Variants in VPS13B observed in about 807,000 individuals in gnomAD.
The protein encoded by VPS13B is intermembrane lipid transfer protein VPS13B.
A neutral mutation model predicts 426.4 loss-of-function variants in VPS13B; 285 were observed. That is an observed-to-expected ratio of 0.67 (90% CI 0.61 to 0.74). VPS13B has a LOEUF of 0.74. Among genes scored for constraint, VPS13B ranks in the 30% least tolerant of loss-of-function variants. VPS13B has a pLI of 0.00. For synonymous variants in VPS13B, 1,676 were observed against 1,676.4 expected, an observed-to-expected ratio of 1.00 and a Z score of 0.01; for missense variants, 4,537 against 4,782.6, an observed-to-expected ratio of 0.95 and a Z score of 1.51.
intron 33 of VPS13B, among the ~76,000 whole-genome samples, chr8:99,630,669 T>G (rs959974063): frequency 6.1e-5 from 9 of 146,784 alleles, no homozygotes; most frequent in African/African-American, 2.2e-4. Context: ...AGGTGCTAGG[T>G]GATAATGTAG....
At chr8:99,066,608 TA>T (rs1311936765) in intron 3 of VPS13B, among the ~76,000 whole-genome samples, 1 of 152,180 alleles carries the variant, frequency 6.6e-6, no homozygotes, top group Non-Finnish European at 1.5e-5. Flanking sequence ...ACTTCATGTC[TA>T]AAACACCAAA....
chr8:99,854,027 G>A lies in VPS13B; in HGVS notation c.10638G>A (p.Gln3546=). The change falls in exon 56 of 62, where the codon CAG becomes CAA. Residue 3546 remains glutamine, a synonymous_variant. Transcript: ENST00000357162. ...GGGGTAAACAGGTGTTGCCCATGCA[G>A]GTCACACAGCACGCCAGGGCCTTGG... ...LSGGKQVLPM[Q]VTQHARALVN... 6.2e-7 allele frequency: 1 copy of A among 1,614,224 alleles called. No individual in the cohort carries two copies. The highest frequency in any genetic ancestry group is 8.5e-7 in the Non-Finnish European group (1 of 1,180,046).
At chr8:99,209,196 T>G (rs904686625) in intron 17 of VPS13B, among the ~76,000 whole-genome samples, 1 of 151,890 alleles carries the variant, frequency 6.6e-6, no homozygotes, top group Non-Finnish European at 1.5e-5. Context: ...GGAGAACCAC[T>G]TTAACACGGG....
At chr8:99,662,607 C>A (rs1830280845) in intron 35 of VPS13B, among the ~76,000 whole-genome samples, 1 of 152,120 alleles carries the variant, frequency 6.6e-6, no homozygotes, top group Middle Eastern at 3.4e-3. Flanking sequence ...CCACCACGCC[C>A]AACTAGTTTT....
chr8:99,744,303 A>G (rs1809947292), intron 39 of VPS13B, among the ~76,000 whole-genome samples: 1 of 152,194 alleles, frequency 6.6e-6, no homozygotes, highest in South Asian at 2.1e-4. Flanking sequence ...GGTGATCATT[A>G]AAAAGTCAGG....
chr8:99,336,508 A>T (rs1810880317), intron 19 of VPS13B, among the ~76,000 whole-genome samples: 1 of 152,190 alleles, frequency 6.6e-6, no homozygotes, highest in South Asian at 2.1e-4. Context: ...GCCAAAATTG[A>T]CAAATGGGAT....
intron 56 of VPS13B, among the ~76,000 whole-genome samples, chr8:99,859,089 G>A (rs570518292): frequency 7.2e-5 from 11 of 152,332 alleles, no homozygotes; most frequent in East Asian, 1.9e-4. Flanking sequence ...TTGTGGGGCC[G>A]TCAGAGGATC....
At chr8:99,184,069 A>G (rs1813086012) in intron 16 of VPS13B, among the ~76,000 whole-genome samples, 1 of 152,070 alleles carries the variant, frequency 6.6e-6, no homozygotes, top group South Asian at 2.1e-4. Flanking sequence ...ACTTCTTTTT[A>G]TTGCTAAATA....
At chr8:99,387,438 G>A (rs150535727) in intron 20 of VPS13B, among the ~76,000 whole-genome samples, 11 of 151,984 alleles carry the variant, frequency 7.2e-5, no homozygotes, top group East Asian at 5.8e-4. Flanking sequence ...GCCCCGGCTC[G>A]TCTAAAACTC....
intron 37 of VPS13B, 52 bp from the exon 38 acceptor site, chr8:99,720,293 T>C (rs1833083577): frequency 7.0e-7 from 1 of 1,432,592 alleles, no homozygotes; most frequent in Non-Finnish European, 9.8e-7. Context: ...CTAATTAGTC[T>C]CAAGAAATGT....
intron 43 of VPS13B, among the ~76,000 whole-genome samples, chr8:99,793,051 A>G (rs1248736702): frequency 6.7e-6 from 1 of 150,338 alleles, no homozygotes; most frequent in African/African-American, 2.5e-5. Context: ...AAAAAAAAAA[A>G]AAAAAAATTA....
chr8:99,064,155 C>G (rs1329376940), intron 3 of VPS13B, among the ~76,000 whole-genome samples: 2 of 152,138 alleles, frequency 1.3e-5, no homozygotes, highest in Non-Finnish European at 2.9e-5. Context: ...GGGGAGAAAC[C>G]AGAGCAGAAA....
chr8:99,593,930 A>G (rs569790811), intron 33 of VPS13B, among the ~76,000 whole-genome samples: 10 of 151,632 alleles, frequency 6.6e-5, no homozygotes, highest in Non-Finnish European at 1.2e-4. Context: ...GGAGGGGTGG[A>G]GAGATGGAGA....
At chr8:99,668,942 A>T (rs143960628) in intron 35 of VPS13B, among the ~76,000 whole-genome samples, 1 of 152,164 alleles carries the variant, frequency 6.6e-6, no homozygotes, top group African/African-American at 2.4e-5. Flanking sequence ...CATGAGCTCT[A>T]TTCCATGTGT....
At position 99,502,893 on chromosome 8, in the gene VPS13B, T is replaced by C. The variant is rs1271339267; in HGVS notation, c.4100T>C (p.Val1367Ala). 1.9e-6 allele frequency: 3 copies of C among 1,613,494 alleles called. No homozygotes were observed. The South Asian group carries it at 3.3e-5, about 18-fold the overall frequency. Residue 1367 changes from valine to alanine, a missense_variant, in exon 27 of 62, where the codon GTA becomes GCA. Physicochemically the swap from Val to Ala is moderately conservative, Grantham distance 64. Transcript: ENST00000357162. Reference sequence around the variant, plus strand: ...AGTGCTTCCATAGATGTCCAGGATGTATATACCAAAGTGAAATGTAAAATA... The same window carrying C: ...AGTGCTTCCATAGATGTCCAGGATGCATATACCAAAGTGAAATGTAAAATA... ...DLSASIDVQD[V>A]YTKVKCKIES...
At chr8:99,053,895 G>A (rs1215170857) in intron 3 of VPS13B, among the ~76,000 whole-genome samples, 2 of 151,982 alleles carry the variant, frequency 1.3e-5, no homozygotes. Context: ...GTAGAGACTG[G>A]GTTTCACCCT....
chr8:99,038,352 AAG>A, intron 2 of VPS13B, 69 bp from the exon 3 acceptor site: 1 of 1,292,918 alleles, frequency 7.7e-7, no homozygotes, highest in Non-Finnish European at 1.1e-6. Flanking sequence ...TTTTTTAAAA[AAG>A]AAATTTGCAT....
Position 99,288,497 on chromosome 8 carries a change from T to A in VPS13B, c.2824+13243T>A, listed in dbSNP as rs11997643. Among the ~76,000 whole-genome samples the A allele has an allele frequency of 3.9e-3, 588 of 152,106 alleles. 6 individuals carry two copies. Among genetic ancestry groups the A allele is most frequent in the African/African-American group, 0.013 (524 of 41,522 alleles). ...ATAACCTTTAATAATGAAATACAAT[T>A]TCATTTTTAAAGAATATATATACCC... On this transcript the variant is annotated intron_variant, in intron 19 of 61. Coordinates refer to ENST00000357162, the MANE Select transcript of VPS13B (RefSeq NM_152564.5).
chr8:99,192,629 C>T (rs1179751402), intron 16 of VPS13B, among the ~76,000 whole-genome samples: 1 of 152,074 alleles, frequency 6.6e-6, no homozygotes, highest in African/African-American at 2.4e-5. Flanking sequence ...ATTGCTTGAG[C>T]AGTATATGTG....
Sources: allele counts gnomAD v4.1 joint callset (sites outside exome capture counted in the v4.1 genomes callset), GRCh38; gene constraint gnomAD v4.1.1; transcripts MANE v1.5; gene names NCBI Gene and HGNC (gene_info 2026-07-23, HGNC 2026-07-21).